BAIAP2: variants seen among roughly 807,000 people sequenced by gnomAD.
BAIAP2 encodes the protein BAR/IMD domain-containing adapter protein 2.
BAIAP2 carries 18 observed loss-of-function variants against 63.0 expected under a neutral mutation model. The observed-to-expected ratio is 0.29, with a 90% CI of 0.20 to 0.42. BAIAP2 has a LOEUF of 0.42. Ranked by LOEUF, BAIAP2 falls within the 10% of genes least tolerant of loss-of-function variation. The pLI, the probability that BAIAP2 is intolerant of heterozygous loss-of-function variation, is 1.00. For missense variants in BAIAP2, 610 were observed against 734.3 expected, an observed-to-expected ratio of 0.83 and a Z score of 1.96; for synonymous variants, 386 against 307.6, an observed-to-expected ratio of 1.25 and a Z score of -2.67.
At chr17:81,041,229 A>C (rs1358668833) in intron 1 of BAIAP2, among the ~76,000 whole-genome samples, 3 of 152,078 alleles carry the variant, frequency 2.0e-5, no homozygotes, top group South Asian at 4.1e-4. Context: ...TGGCCATATG[A>C]CCTTGGCCAA....
intron 13 of BAIAP2, among the ~76,000 whole-genome samples, 163 bp from the exon 14 acceptor site, chr17:81,115,603 TCCTC>T (rs1467561427): frequency 6.6e-6 from 1 of 152,120 alleles, no homozygotes; most frequent in Non-Finnish European, 1.5e-5. Flanking sequence ...CAGCGCCTGG[TCCTC>T]CCTGCCCCGC....
intron 1 of BAIAP2, among the ~76,000 whole-genome samples, chr17:81,050,861 T>A (rs2048572365): frequency 6.7e-6 from 1 of 149,090 alleles, no homozygotes; most frequent in South Asian, 2.1e-4. Flanking sequence ...ACTTGGCTGA[T>A]GCCCCCTTCT....
At chr17:81,067,817 C>G (rs372757138) in intron 3 of BAIAP2, among the ~76,000 whole-genome samples, 1 of 152,252 alleles carries the variant, frequency 6.6e-6, no homozygotes, top group African/African-American at 2.4e-5. Flanking sequence ...GGTCTCTCCC[C>G]TGAGATGCCG....
intron 13 of BAIAP2, chr17:81,109,646 C>T (rs971900692): frequency 1.3e-5 from 13 of 985,232 alleles, no homozygotes; most frequent in Middle Eastern, 5.2e-4. Flanking sequence ...AGGCCGGGCC[C>T]GGGCACCTGA....
chr17:81,098,055 C>T (rs2057931765), intron 6 of BAIAP2: 3 of 1,230,870 alleles, frequency 2.4e-6, no homozygotes, highest in South Asian at 3.0e-5. Context: ...CTACCCCAGA[C>T]CTCAGGCACA....
At chr17:81,041,476 TCTTG>T (rs1185553656) in intron 1 of BAIAP2, among the ~76,000 whole-genome samples, 1 of 152,364 alleles carries the variant, frequency 6.6e-6, no homozygotes, top group African/African-American at 2.4e-5. Flanking sequence ...GTGCTTTTGC[TCTTG>T]CTTAGAGTTT....
At chr17:81,100,247 G>A (rs1014154041) in intron 7 of BAIAP2, among the ~76,000 whole-genome samples, 167 bp downstream of exon 7, 1 of 152,216 alleles carries the variant, frequency 6.6e-6, no homozygotes, top group Non-Finnish European at 1.5e-5. Flanking sequence ...AGAATTACCA[G>A]GTCACAGGGT....
At chr17:81,080,737 C>G (rs1598678219) in intron 3 of BAIAP2, among the ~76,000 whole-genome samples, 1 of 152,140 alleles carries the variant, frequency 6.6e-6, no homozygotes, top group Admixed American at 6.5e-5. Flanking sequence ...GTGGCGGGAA[C>G]CAGGCACGGT....
In BAIAP2 at chr17:81,044,103, C is replaced by T. The variant is rs567968490; in HGVS notation, c.54+8795C>T. On this transcript the variant is annotated intron_variant, in intron 1 of 13. Transcript: ENST00000428708. ...TGTTCCTGAGTGTGGCCACAGCCCC[C>T]GGGCTGGCACCTCCCACCTGCCTGA... Among the ~76,000 whole-genome samples, 5 of 152,288 alleles carry T rather than the reference C, an allele frequency of 3.3e-5. No individual in the cohort carries two copies. The East Asian group carries it at 5.8e-4, about 18-fold the overall frequency.
chr17:81,061,597 C>T (rs2050568866), intron 3 of BAIAP2, among the ~76,000 whole-genome samples: 1 of 152,330 alleles, frequency 6.6e-6, no homozygotes, highest in Admixed American at 6.5e-5. Context: ...CTGCGCGCGT[C>T]AGGAATTTGT....
Position 81,116,439 on chromosome 17 carries a change from C to G in BAIAP2, c.*600C>G, listed in dbSNP as rs1255394069. ...CACTGGCAATGTCACAAGGGCCTCCCCAGGCCCCTCCTGCCTCGGGCAGGC... is the reference window on the plus strand; with the variant it reads ...CACTGGCAATGTCACAAGGGCCTCCGCAGGCCCCTCCTGCCTCGGGCAGGC... On this transcript the variant is annotated 3_prime_UTR_variant, in exon 14 of 14. Coordinates refer to ENST00000428708, the MANE Select transcript of BAIAP2 (RefSeq NM_001144888.2). 4.2e-6 allele frequency: 5 copies of G among 1,183,634 alleles called. No individual in the cohort carries two copies. The East Asian group carries it at 1.3e-4, about 30-fold the overall frequency. 73.3% of individuals were successfully genotyped at this position (1,183,634 alleles called of 1,614,324 possible).
chr17:81,116,241 C>G lies in BAIAP2; in HGVS notation c.*402C>G. Reference sequence around the variant, plus strand: ...TTCTCCTGCACCAGGTGTGATCTGTCCGCCCAAGGGCCAGAAGGCCGGGAG... The same window carrying G: ...TTCTCCTGCACCAGGTGTGATCTGTGCGCCCAAGGGCCAGAAGGCCGGGAG... On this transcript the variant is annotated 3_prime_UTR_variant, in exon 14 of 14. Transcript: ENST00000428708. 6.2e-7 allele frequency: 1 copy of G among 1,612,534 alleles called. No individual in the cohort carries two copies. Among genetic ancestry groups the G allele is most frequent in the Non-Finnish European group, 8.5e-7 (1 of 1,179,684 alleles).
At chr17:81,049,167 C>G (rs999695641) in intron 1 of BAIAP2, among the ~76,000 whole-genome samples, 3 of 152,268 alleles carry the variant, frequency 2.0e-5, no homozygotes, top group Admixed American at 2.0e-4. Context: ...TTGTACTGCA[C>G]AGGTCCTGGA....
intron 3 of BAIAP2, among the ~76,000 whole-genome samples, chr17:81,069,067 CGCTGGGTCCTCCG>C (rs2052059787): frequency 6.6e-6 from 1 of 152,158 alleles, no homozygotes; most frequent in East Asian, 1.9e-4. Context: ...TAGAAGGATG[CGCTGGGTCCTCCG>C]GCTGTCCCCA....
chr17:81,110,908 T>C (rs2146127365), intron 13 of BAIAP2: 1 of 1,613,880 alleles, frequency 6.2e-7, no homozygotes, highest in East Asian at 2.2e-5. Context: ...TTGTGTTTCC[T>C]TGCAGCGCCG....
At chr17:81,057,826 G>C in intron 2 of BAIAP2, 55 bp from the exon 3 acceptor site, 1 of 1,571,504 alleles carries the variant, frequency 6.4e-7, no homozygotes, top group South Asian at 1.2e-5. Context: ...TTTTTGCTGG[G>C]GGTCTTGTCT....
chr17:81,100,329 C>T (rs912464964), intron 7 of BAIAP2, among the ~76,000 whole-genome samples: 1 of 152,106 alleles, frequency 6.6e-6, no homozygotes, highest in Admixed American at 6.5e-5. Context: ...CTTTCAAGGC[C>T]TTCTAGAACA....
chr17:81,083,991 CT>C (rs2055106438), intron 3 of BAIAP2: 1 of 152,232 alleles, frequency 6.6e-6, no homozygotes, highest in South Asian at 2.1e-4. Flanking sequence ...ACCTGCGCCC[CT>C]GGGGCTGCCC....
intron 6 of BAIAP2, among the ~76,000 whole-genome samples, chr17:81,093,399 G>A (rs2057124512): frequency 7.0e-6 from 1 of 143,660 alleles, no homozygotes. Context: ...GATGCCCGGG[G>A]CTACAAGGAG....
Sources: gnomAD v4.1 joint callset for allele counts (sites outside exome capture counted in the v4.1 genomes callset) on GRCh38, gnomAD v4.1.1 for gene constraint, MANE v1.5 for transcripts, NCBI Gene and HGNC (gene_info 2026-07-23, HGNC 2026-07-21) for gene names.